The following CHD9 variants were observed in gnomAD, a reference collection of about 807,000 sequenced individuals.
CHD9 encodes chromodomain helicase DNA binding protein 9.
Under a neutral mutation model 316.1 loss-of-function variants are expected in CHD9, and 77 were observed. That is an observed-to-expected ratio of 0.24 (90% CI 0.20 to 0.29). The LOEUF is 0.29. CHD9 is among the 10% of genes least tolerant of loss of function. CHD9 has a pLI of 1.00. For missense variants in CHD9, 2,763 were observed against 3,438.1 expected (o/e 0.80, Z 4.91); for synonymous variants, 1,129 against 1,158.3 (o/e 0.97, Z 0.51).
chr16:53,258,255 A>G (rs2050777296), intron 19 of CHD9, among the ~76,000 whole-genome samples: 2 of 152,176 alleles, frequency 1.3e-5, no homozygotes, highest in African/African-American at 4.8e-5. Flanking sequence ...TTTACTATAC[A>G]GTGCTATCTA....
intron 36 of CHD9, among the ~76,000 whole-genome samples, chr16:53,315,571 C>T (rs928779891): frequency 6.6e-6 from 1 of 152,068 alleles, no homozygotes; most frequent in Admixed American, 6.6e-5. Flanking sequence ...CTCTGCCTCC[C>T]GGATTCAAGC....
intron 27 of CHD9, among the ~76,000 whole-genome samples, chr16:53,289,959 C>G (rs2054191995): frequency 6.6e-6 from 1 of 152,192 alleles, no homozygotes. Flanking sequence ...GGAAAAGCTG[C>G]TGACCAAGAG....
Position 53,245,301 on chromosome 16 carries a change from T to G in CHD9, c.3055-35T>G. 6.9e-7 allele frequency: 1 copy of G among 1,459,486 alleles called. No individual in the cohort carries two copies. Among genetic ancestry groups the G allele is most frequent in the Non-Finnish European group, 9.1e-7 (1 of 1,104,240 alleles). The allele number at this position is 1,459,486 out of a possible 1,614,324, so 90.4% of individuals were successfully genotyped here. ...CAGCTTTCATATAATTTTAGTACTG[T>G]GATGTTTGATGTGAATTGTTCTCAC... On this transcript the variant is annotated intron_variant, in intron 13 of 38. Coordinates refer to ENST00000447540, the MANE Select transcript of CHD9 (RefSeq NM_001308319.2). This position sits in a 1 kb window ranked among gnomAD's most constrained non-coding sequence, Gnocchi z 4.1.
chr16:53,151,651 G>A (rs767304948), intron 1 of CHD9, among the ~76,000 whole-genome samples: 8 of 151,886 alleles, frequency 5.3e-5, no homozygotes, highest in East Asian at 1.9e-4. Context: ...TTATTTCTTC[G>A]GTTTGCTCAA....
chr16:53,083,640 C>T (rs2035217316), intron 1 of CHD9, among the ~76,000 whole-genome samples: 1 of 152,134 alleles, frequency 6.6e-6, no homozygotes, highest in Admixed American at 6.5e-5. Flanking sequence ...CAAATAGCCC[C>T]CAACTCCGTG....
intron 1 of CHD9, among the ~76,000 whole-genome samples, chr16:53,139,420 A>G (rs1404299042): frequency 6.6e-6 from 1 of 152,238 alleles, no homozygotes; most frequent in African/African-American, 2.4e-5. Flanking sequence ...TATGCAAAAA[A>G]TGTTAATTTA....
At chr16:53,255,529 C>G in intron 18 of CHD9, 71 bp from the exon 19 acceptor site, 2 of 1,391,592 alleles carry the variant, frequency 1.4e-6, no homozygotes, top group East Asian at 4.6e-5. Context: ...TCTTTGACAT[C>G]CTTTAGGGAT....
At chr16:53,145,843 T>C (rs141728008) in intron 1 of CHD9, among the ~76,000 whole-genome samples, 18 of 152,106 alleles carry the variant, frequency 1.2e-4, no homozygotes, top group African/African-American at 4.3e-4. Flanking sequence ...AAAACAATCG[T>C]ACGTGGGCCA....
intron 24 of CHD9, among the ~76,000 whole-genome samples, chr16:53,282,690 A>T (rs367592198): frequency 5.3e-5 from 8 of 152,190 alleles, no homozygotes; most frequent in African/African-American, 1.7e-4. Flanking sequence ...ACCACAATGC[A>T]GCTTCTACCT....
intron 24 of CHD9, among the ~76,000 whole-genome samples, chr16:53,280,772 A>G (rs1597798585): frequency 6.6e-6 from 1 of 152,074 alleles, no homozygotes; most frequent in Admixed American, 6.5e-5. Flanking sequence ...GCCTACATTT[A>G]CTATCTCTAC....
chr16:53,180,538 A>G (rs902294273), intron 2 of CHD9, among the ~76,000 whole-genome samples: 2 of 152,162 alleles, frequency 1.3e-5, no homozygotes, highest in Non-Finnish European at 2.9e-5. Context: ...ACTTTTTAAG[A>G]AGAGACTTAT....
At chr16:53,323,102 T>C (rs1598028764) in intron 38 of CHD9, among the ~76,000 whole-genome samples, 1 of 152,210 alleles carries the variant, frequency 6.6e-6, no homozygotes, top group Non-Finnish European at 1.5e-5. Context: ...CATGTGGCTG[T>C]TGAGCACTTG....
chr16:53,075,169 G>T (rs1239875406), intron 1 of CHD9, among the ~76,000 whole-genome samples: 2 of 152,160 alleles, frequency 1.3e-5, no homozygotes, highest in East Asian at 3.9e-4. Context: ...CATGGGCCCT[G>T]TAACCCCTTT....
rs761683178 is a variant in CHD9 at position 53,157,195 on chromosome 16, C to T, written c.1106C>T (p.Thr369Ile). The change falls in exon 2 of 39, where the codon ACT (threonine) becomes ATT (isoleucine). Residue 369 changes from threonine (T) to isoleucine (I), a missense_variant. Physicochemically the swap from Thr to Ile is moderately conservative, Grantham distance 89. This residue lies in a region of CHD9 where 859 missense variants were observed against 890.4 expected (regional missense o/e 0.96). Coordinates refer to ENST00000447540, the MANE Select transcript of CHD9 (RefSeq NM_001308319.2). ...MNFPDPVDSG[T>I]QMGHFNDHVE... The stretch of plus-strand genomic sequence containing the variant: ...TTCCCAGATCCTGTTGACTCAGGAA[C>T]TCAAATGGGCCATTTCAATGATCAT... 4 of 1,606,832 alleles carry T rather than the reference C, an allele frequency of 2.5e-6. No homozygotes were observed. The highest frequency in any genetic ancestry group is 3.4e-6 in the Non-Finnish European group (4 of 1,176,060).
Position 53,107,212 on chromosome 16 carries a change from C to T in CHD9, c.-164-48714C>T, listed in dbSNP as rs1190022140. On this transcript the variant is annotated intron_variant, in intron 1 of 38. Transcript: ENST00000447540. ...CATTTTGGGAGGCCTGTAATCCCAG[C>T]ACTTCGGGAGGCCAAGGCGGGTGGA... 2.6e-5 allele frequency among the ~76,000 whole-genome samples: 4 copies of T among 151,514 alleles called. No homozygotes were observed. The East Asian group carries it at 7.9e-4, about 30-fold the overall frequency.
At position 53,277,930 on chromosome 16, in the gene CHD9, T is replaced by A. The variant is rs138109969; in HGVS notation, c.4967+3628T>A. Among the ~76,000 whole-genome samples the A allele has an allele frequency of 1.3e-4, 19 of 152,000 alleles. 1 individual carries two copies. The East Asian group carries it at 3.7e-3, about 29-fold the overall frequency. ...AAAGTTTCAGGATACAAAATTAATGTACACAAATCAGTAGCTCTCCTGTAC... is the reference window on the plus strand; with the variant it reads ...AAAGTTTCAGGATACAAAATTAATGAACACAAATCAGTAGCTCTCCTGTAC... On this transcript the variant is annotated intron_variant, in intron 24 of 38. Transcript: ENST00000447540.
intron 24 of CHD9, among the ~76,000 whole-genome samples, chr16:53,282,854 G>A (rs1351291251): frequency 1.3e-5 from 2 of 151,916 alleles, no homozygotes; most frequent in Non-Finnish European, 2.9e-5. Context: ...CTTTCTGCTT[G>A]CTGCTTTTCA....
chr16:53,265,165 C>G (rs1028154677), intron 20 of CHD9, among the ~76,000 whole-genome samples: 3 of 152,054 alleles, frequency 2.0e-5, no homozygotes, highest in African/African-American at 7.2e-5. Context: ...CTTCAGGAGG[C>G]TGAGGCAGGA....
intron 1 of CHD9, among the ~76,000 whole-genome samples, chr16:53,057,530 C>G (rs533072074): frequency 6.6e-6 from 1 of 151,432 alleles, no homozygotes; most frequent in Non-Finnish European, 1.5e-5. Context: ...GGCAAGAGCC[C>G]GTAATCCCAG....
Sources: gnomAD v4.1 joint callset for allele counts (sites outside exome capture counted in the v4.1 genomes callset) on GRCh38, gnomAD v4.1.1 for gene constraint, gnomAD v4.1.1 regional missense constraint, Gnocchi (gnomAD v3.1) non-coding constraint, MANE v1.5 for transcripts, NCBI Gene and HGNC (gene_info 2026-07-23, HGNC 2026-07-21) for gene names.